The following ITGA9 variants were observed in gnomAD, a reference collection of about 807,000 sequenced individuals.
The protein encoded by ITGA9 is integrin alpha-9.
ITGA9 carries 56 observed loss-of-function variants against 127.8 expected under a neutral mutation model. That is an observed-to-expected ratio of 0.44 (90% CI 0.35 to 0.55). The LOEUF (loss-of-function observed/expected upper bound fraction) is 0.55, where lower values mean the gene tolerates loss of function less well. ITGA9 is among the 20% of genes least tolerant of loss of function. The pLI is 0.00. For synonymous variants in ITGA9, 508 were observed against 514.5 expected (o/e 0.99, Z 0.17); for missense variants, 1,196 against 1,347.1 (o/e 0.89, Z 1.76).
intron 15 of ITGA9, among the ~76,000 whole-genome samples, chr3:37,560,503 TC>T (rs1699476648): frequency 6.6e-6 from 1 of 152,226 alleles, no homozygotes; most frequent in Admixed American, 6.5e-5. Flanking sequence ...TGATTCTAGT[TC>T]TAGGTCCTTG....
intron 16 of ITGA9, among the ~76,000 whole-genome samples, chr3:37,652,958 C>A (rs900641128): frequency 6.6e-6 from 1 of 152,234 alleles, no homozygotes; most frequent in Admixed American, 6.5e-5. Context: ...AATGCTGCTG[C>A]TGATCTCCTG....
intron 23 of ITGA9, among the ~76,000 whole-genome samples, chr3:37,754,643 T>C (rs9854824): frequency 0.4 from 61,342 of 152,064 alleles, 13,990 homozygotes; most frequent in African/African-American, 0.63. Flanking sequence ...TAAGGAGATA[T>C]ATCAATGTCT....
In ITGA9 at chr3:37,683,878, A is replaced by G. The variant is rs1575191364; in HGVS notation, c.1930A>G (p.Thr644Ala). The G allele has an allele frequency of 1.2e-6, 2 of 1,613,866 alleles. No individual in the cohort carries two copies. The highest frequency in any genetic ancestry group is 4.5e-5 in the East Asian group (2 of 44,850). Residue 644 changes from threonine (T) to alanine (A), a missense_variant, in exon 18 of 28, where the codon ACC becomes GCC. Coordinates refer to ENST00000264741, the MANE Select transcript of ITGA9 (RefSeq NM_002207.3). ...TTTTCGTTACAGTATGGATGAGAAA[A>G]CCCTGTATCTAGCTTTGGGGGCTGT... ...KLLLSSMDEK[T>A]LYLALGAVKN...
chr3:37,614,529 G>A (rs1467926388), intron 15 of ITGA9, among the ~76,000 whole-genome samples: 34 of 151,238 alleles, frequency 2.2e-4, no homozygotes, highest in Admixed American at 1.1e-3. Flanking sequence ...GATGGGGATG[G>A]CATTGAATCT....
chr3:37,604,152 C>G (rs1575164118), intron 15 of ITGA9, among the ~76,000 whole-genome samples: 1 of 152,274 alleles, frequency 6.6e-6, no homozygotes, highest in East Asian at 1.9e-4. Flanking sequence ...AGCCCTTTGG[C>G]AGAGACAGGG....
rs1030948585 is a variant in ITGA9, at chr3:37,803,998, T to A, written c.3009+56T>A. On this transcript the variant is annotated intron_variant, in intron 27 of 27. Coordinates refer to ENST00000264741, the MANE Select transcript of ITGA9 (RefSeq NM_002207.3). ...GTCCCCACTCATAGATGCCCAGCTC[T>A]CCTGCCTTTCCAGGGAAGAAGGAGT... is the stretch of plus-strand genomic sequence containing the variant. 3.7e-6 allele frequency: 6 copies of A among 1,613,010 alleles called. No individual in the cohort carries two copies. The Admixed American group carries it at 8.3e-5, about 22-fold the overall frequency.
chr3:37,555,513 T>A (rs1477607764), intron 15 of ITGA9, among the ~76,000 whole-genome samples: 2 of 152,174 alleles, frequency 1.3e-5, no homozygotes, highest in African/African-American at 4.8e-5. Context: ...TGTTGGACAG[T>A]GCAGATATTG....
In ITGA9 at chr3:37,822,969, A is replaced by G. The variant is rs2125572150; in HGVS notation, c.*3980A>G. ...GCAGAAAGTGAGCATCATTTCAGAA[A>G]TGCTTTAGTATGCACACTTTTAGCT... On this transcript the variant is annotated 3_prime_UTR_variant, in exon 28 of 28. Coordinates refer to ENST00000264741, the MANE Select transcript of ITGA9 (RefSeq NM_002207.3). The G allele has an allele frequency of 6.6e-6, 1 of 152,346 alleles. No homozygotes were observed. Among genetic ancestry groups the G allele is most frequent in the South Asian group, 2.1e-4 (1 of 4,830 alleles). 9.4% of individuals were successfully genotyped at this position (152,346 alleles called of 1,614,324 possible).
At chr3:37,550,646 A>G (rs943022257) in intron 15 of ITGA9, among the ~76,000 whole-genome samples, 2 of 152,254 alleles carry the variant, frequency 1.3e-5, no homozygotes, top group Non-Finnish European at 2.9e-5. Flanking sequence ...CATAGATGAT[A>G]GTAAAGTATG....
intron 15 of ITGA9, among the ~76,000 whole-genome samples, chr3:37,547,675 G>A (rs1437537026): frequency 6.6e-6 from 1 of 152,102 alleles, no homozygotes; most frequent in Non-Finnish European, 1.5e-5. Context: ...AAAATAACAT[G>A]CTAAATCTCC....
rs1699020517 is a variant in ITGA9 at position 37,519,260 on chromosome 3, A to C, written c.1142A>C (p.Asp381Ala). 5 of 1,613,454 alleles carry C rather than the reference A, an allele frequency of 3.1e-6. No individual in the cohort carries two copies. Among genetic ancestry groups the C allele is most frequent in the Non-Finnish European group, 4.2e-6 (5 of 1,179,434 alleles). Residue 381 changes from aspartate to alanine, a missense_variant and splice_region_variant, in exon 11 of 28, where the codon GAT becomes GCT. By Grantham distance (126) the Asp-to-Ala change is moderately radical (BLOSUM62 -2). Coordinates refer to ENST00000264741, the MANE Select transcript of ITGA9 (RefSeq NM_002207.3). ...LDDLDNDGFPDVAIGAPKEDD... is the reference protein window; with the variant it reads ...LDDLDNDGFPAVAIGAPKEDD... ...CCCATAGCTGTTTTTTTACCCTCAG[A>C]TGTGGCCATTGGTGCACCCAAGGAG...
chr3:37,487,380 G>C (rs752767567), intron 4 of ITGA9, among the ~76,000 whole-genome samples: 2 of 152,216 alleles, frequency 1.3e-5, no homozygotes, highest in African/African-American at 4.8e-5. Context: ...GAGGTCTCCA[G>C]CAGGGCCTCT....
chr3:37,517,659 C>G (rs372203089), intron 10 of ITGA9, 50 bp downstream of exon 10: 5 of 1,349,502 alleles, frequency 3.7e-6, no homozygotes, highest in South Asian at 1.3e-5. Context: ...CAGCACGCTG[C>G]TCTGTTTCAG....
intron 18 of ITGA9, among the ~76,000 whole-genome samples, chr3:37,701,523 G>A (rs777504158): frequency 5.9e-5 from 9 of 152,204 alleles, no homozygotes; most frequent in Non-Finnish European, 1.2e-4. Context: ...CCTGCGTGGT[G>A]AGGAGTCTGG....
At chr3:37,640,587 G>A (rs971158175) in intron 16 of ITGA9, among the ~76,000 whole-genome samples, 2 of 152,128 alleles carry the variant, frequency 1.3e-5, no homozygotes, top group African/African-American at 2.4e-5. Flanking sequence ...ACAACCCACC[G>A]ACCTCTGACT....
chr3:37,490,965 T>TCC (rs1368572287), intron 4 of ITGA9, among the ~76,000 whole-genome samples: 1,082 of 87,820 alleles, frequency 0.012, 26 homozygotes, highest in African/African-American at 0.033. Context: ...CAGATTTGGC[T>TCC]TCCCCCCCGC....
chr3:37,567,065 G>T (rs1185023831), intron 15 of ITGA9, among the ~76,000 whole-genome samples: 1 of 152,192 alleles, frequency 6.6e-6, no homozygotes. Flanking sequence ...GGGATGTGTA[G>T]TCTGTTTTCA....
chr3:37,713,203 G>C (rs6788347), intron 18 of ITGA9, among the ~76,000 whole-genome samples: 76,664 of 151,974 alleles, frequency 0.5, 19,500 homozygotes, highest in South Asian at 0.6. Flanking sequence ...TGTCTCTCCT[G>C]TCAGAAGCCC....
chr3:37,526,091 C>T lies in ITGA9; in HGVS notation c.1373+20C>T, dbSNP rs1401899196. 3 of 1,609,620 alleles carry T rather than the reference C, an allele frequency of 1.9e-6. No individual in the cohort carries two copies. The highest frequency in any genetic ancestry group is 3.3e-5 in the Admixed American group (2 of 60,002). On this transcript the variant is annotated intron_variant, in intron 13 of 27. Coordinates refer to ENST00000264741, the MANE Select transcript of ITGA9 (RefSeq NM_002207.3). Reference sequence around the variant, plus strand: ...TCTCAGGTGAGAGGCCCCACTCTTGCTCCTTGAATTGTGCTGTTCAGGGTG... The same window carrying T: ...TCTCAGGTGAGAGGCCCCACTCTTGTTCCTTGAATTGTGCTGTTCAGGGTG...
Sources: gnomAD v4.1 joint callset for allele counts (sites outside exome capture counted in the v4.1 genomes callset) on GRCh38, gnomAD v4.1.1 for gene constraint, MANE v1.5 for transcripts, NCBI Gene and HGNC (gene_info 2026-07-23, HGNC 2026-07-21) for gene names.